Variants in TMEM163 observed in about 807,000 individuals in gnomAD.
TMEM163 encodes transmembrane protein 163.
Under a neutral mutation model 29.3 loss-of-function variants are expected in TMEM163, and 17 were observed. The observed-to-expected ratio is 0.58, with a 90% confidence interval of 0.40 to 0.87. The LOEUF (loss-of-function observed/expected upper bound fraction) is 0.87. Among genes scored for constraint, TMEM163 ranks in the 40% least tolerant of loss-of-function variants. The pLI, the probability that TMEM163 is intolerant of heterozygous loss-of-function variation, is 0.00. For missense variants in TMEM163, 303 were observed against 381.5 expected (o/e 0.79, Z 1.71); for synonymous variants, 157 against 160.6 (o/e 0.98, Z 0.17).
intron 2 of TMEM163, among the ~76,000 whole-genome samples, chr2:134,567,908 A>T (rs1244563229): frequency 1.3e-5 from 2 of 152,194 alleles, no homozygotes; most frequent in African/African-American, 2.4e-5. Flanking sequence ...CACATTCTGC[A>T]GTGGCTAAAA....
At chr2:134,616,926 G>A (rs1053131745) in intron 2 of TMEM163, among the ~76,000 whole-genome samples, 2 of 152,176 alleles carry the variant, frequency 1.3e-5, no homozygotes, top group Non-Finnish European at 2.9e-5. Context: ...TAGCATACTT[G>A]CTTTACAAGA....
At chr2:134,514,388 T>C (rs1680011370) in intron 4 of TMEM163, among the ~76,000 whole-genome samples, 1 of 55,838 alleles carries the variant, frequency 1.8e-5, no homozygotes. Context: ...ATGATCTTTT[T>C]TTTTTTTTTT....
At chr2:134,676,202 C>T (rs1179749689) in intron 2 of TMEM163, among the ~76,000 whole-genome samples, 1 of 152,182 alleles carries the variant, frequency 6.6e-6, no homozygotes, top group Non-Finnish European at 1.5e-5. Flanking sequence ...TTTCAAGCTA[C>T]CAACTTGACG....
chr2:134,663,359 C>T (rs1021063597), intron 2 of TMEM163, among the ~76,000 whole-genome samples: 1 of 152,142 alleles, frequency 6.6e-6, no homozygotes, highest in Non-Finnish European at 1.5e-5. Context: ...GGCAAACATG[C>T]GGGACAGAAT....
At chr2:134,705,603 G>A (rs538844853) in intron 2 of TMEM163, among the ~76,000 whole-genome samples, 36 of 152,246 alleles carry the variant, frequency 2.4e-4, no homozygotes, top group African/African-American at 8.2e-4. Context: ...TTCCTACCCC[G>A]GCTTCCTCTG....
chr2:134,463,145 C>T (rs1412494877), intron 6 of TMEM163, among the ~76,000 whole-genome samples: 1 of 151,074 alleles, frequency 6.6e-6, no homozygotes, highest in African/African-American at 2.5e-5. Flanking sequence ...GTGGGCAGCA[C>T]ACACAGCTGA....
intron 4 of TMEM163, among the ~76,000 whole-genome samples, chr2:134,538,403 A>G (rs1184739947): frequency 6.6e-6 from 1 of 152,184 alleles, no homozygotes; most frequent in Non-Finnish European, 1.5e-5. Flanking sequence ...AGTCTATGAT[A>G]TTTCATTACA....
chr2:134,485,278 G>T (rs1460083080), intron 5 of TMEM163, among the ~76,000 whole-genome samples: 1 of 152,148 alleles, frequency 6.6e-6, no homozygotes, highest in East Asian at 1.9e-4. Context: ...AATCAAGTAT[G>T]GAATATCTCA....
At chr2:134,463,579 G>C (rs1371961943) in intron 6 of TMEM163, among the ~76,000 whole-genome samples, 1 of 152,232 alleles carries the variant, frequency 6.6e-6, no homozygotes, top group East Asian at 1.9e-4. Flanking sequence ...CAGAAGCCCA[G>C]GCTGTGGCCT....
intron 4 of TMEM163, among the ~76,000 whole-genome samples, chr2:134,529,511 G>A (rs548086431): frequency 1.6e-4 from 24 of 150,646 alleles, no homozygotes; most frequent in African/African-American, 3.9e-4. Flanking sequence ...ACTTTGGGGG[G>A]TCAAGGCAGG....
chr2:134,513,984 C>T (rs1285189953), intron 4 of TMEM163, among the ~76,000 whole-genome samples: 1 of 152,226 alleles, frequency 6.6e-6, no homozygotes, highest in East Asian at 1.9e-4. Flanking sequence ...TGTCTTTCCC[C>T]GAGCCAGTGC....
At chr2:134,690,536 T>G (rs1684442845) in intron 2 of TMEM163, among the ~76,000 whole-genome samples, 1 of 152,144 alleles carries the variant, frequency 6.6e-6, no homozygotes, top group South Asian at 2.1e-4. Context: ...TCCGCCAGCC[T>G]CAGCCTCCCA....
intron 2 of TMEM163, among the ~76,000 whole-genome samples, chr2:134,562,129 C>CA (rs1300219578): frequency 1.3e-5 from 2 of 152,218 alleles, no homozygotes; most frequent in African/African-American, 2.4e-5. Flanking sequence ...AACTCATTTT[C>CA]AGTCCATTCT....
Position 134,520,828 on chromosome 2 carries a change from A to T in TMEM163, c.459-17831T>A, listed in dbSNP as rs538320879. ...GGATCATGACAGGGTAAGTCTCTTG[A>T]TCCCCAAACTGGCTGCTGATCAGAG... is the stretch of plus-strand genomic sequence containing the variant. On this transcript the variant is annotated intron_variant, in intron 4 of 7. Coordinates refer to ENST00000281924, the MANE Select transcript of TMEM163 (RefSeq NM_030923.5). 1.1e-4 allele frequency among the ~76,000 whole-genome samples: 16 copies of T among 152,308 alleles called. No homozygotes were observed. In the South Asian group the frequency reaches 3.3e-3, roughly 32 times the overall value.
chr2:134,641,323 A>G (rs1210957331), intron 2 of TMEM163, among the ~76,000 whole-genome samples: 2 of 152,220 alleles, frequency 1.3e-5, no homozygotes, highest in East Asian at 1.9e-4. Context: ...ACCTCACACC[A>G]TATACAAATA....
chr2:134,632,867 G>A (rs1018474504), intron 2 of TMEM163, among the ~76,000 whole-genome samples: 8 of 151,270 alleles, frequency 5.3e-5, no homozygotes, highest in East Asian at 1.9e-4. Context: ...CTCAGCCTCC[G>A]GAGTAGCTGG....
rs1221587943 is a variant in TMEM163, at chr2:134,617,798, G to A, written c.323-65707C>T. Among the ~76,000 whole-genome samples, 5 of 152,048 alleles carry A rather than the reference G, an allele frequency of 3.3e-5. No homozygotes were observed. In the East Asian group the frequency reaches 9.6e-4, roughly 29 times the overall value. ...ACTAAGGACCACAATCAAAAGAAGA[G>A]ATGGTCAGACTGGATTTAAAAAGCA... On this transcript the variant is annotated intron_variant, in intron 2 of 7. Coordinates refer to ENST00000281924, the MANE Select transcript of TMEM163 (RefSeq NM_030923.5).
chr2:134,473,808 C>T (rs1022195874), intron 5 of TMEM163, among the ~76,000 whole-genome samples: 7 of 152,122 alleles, frequency 4.6e-5, no homozygotes, highest in African/African-American at 7.2e-5. Context: ...ACAAATCAAA[C>T]GTCATCCAAG....
At position 134,548,764 on chromosome 2, in the gene TMEM163, T is replaced by C. The variant is rs772918679; in HGVS notation, c.458+1806A>G. 4.6e-5 allele frequency among the ~76,000 whole-genome samples: 7 copies of C among 152,250 alleles called. No homozygotes were observed. The East Asian group carries it at 5.8e-4, about 13-fold the overall frequency. ...CAAATCTAAACATGAAATTCGTTTA[T>C]GTTTCGTATACACCTTGTACACATA... is the stretch of plus-strand genomic sequence containing the variant. On this transcript the variant is annotated intron_variant, in intron 4 of 7. Transcript: ENST00000281924.
Sources: allele counts gnomAD v4.1 joint callset (sites outside exome capture counted in the v4.1 genomes callset), GRCh38; gene constraint gnomAD v4.1.1; transcripts MANE v1.5; gene names NCBI Gene and HGNC (gene_info 2026-07-23, HGNC 2026-07-21).